IPP: variants seen among roughly 807,000 people sequenced by gnomAD.
The protein encoded by IPP is actin-binding protein IPP.
IPP carries 41 observed loss-of-function variants against 64.1 expected under a neutral mutation model. The observed-to-expected ratio is 0.64, with a 90% CI of 0.50 to 0.83. IPP has a LOEUF of 0.83. IPP is among the 40% of genes least tolerant of loss of function. The pLI is 0.00. For synonymous variants in IPP, 214 were observed against 235.2 expected, an observed-to-expected ratio of 0.91 and a Z score of 0.83; for missense variants, 649 against 703.0, an observed-to-expected ratio of 0.92 and a Z score of 0.87.
At position 45,710,892 on chromosome 1, in the gene IPP, A is replaced by G. The variant is rs111516848; in HGVS notation, c.1530+3354T>C. On this transcript the variant is annotated intron_variant, in intron 8 of 8. Coordinates refer to ENST00000396478, the MANE Select transcript of IPP (RefSeq NM_005897.3). ...AAATTAGCTGGGCATGGTGGCATGC[A>G]CCTGTTGTCCCAGCTACTCGGGAGG... is the stretch of plus-strand genomic sequence containing the variant. Among the ~76,000 whole-genome samples the G allele has an allele frequency of 9.8e-3, 93 of 9,480 alleles. 40 individuals carry two copies. The highest frequency in any genetic ancestry group is 0.024 in the African/African-American group (85 of 3,602). The allele number at this position is 9,480 out of a possible 152,430, so 6.2% of individuals were successfully genotyped here.
At chr1:45,749,518 GT>G (rs1233626706) in intron 1 of IPP, among the ~76,000 whole-genome samples, 1 of 123,670 alleles carries the variant, frequency 8.1e-6, no homozygotes, top group African/African-American at 3.0e-5. Context: ...TTTTGTTTTT[GT>G]TTTTTGTTTT....
At chr1:45,726,029 A>G (rs1454954426) in intron 5 of IPP, among the ~76,000 whole-genome samples, 2 of 146,930 alleles carry the variant, frequency 1.4e-5, no homozygotes, top group African/African-American at 5.0e-5. Flanking sequence ...TCCCTCCACT[A>G]TTGTCCTATG....
chr1:45,711,653 T>C (rs920028275), intron 8 of IPP, among the ~76,000 whole-genome samples: 8 of 151,708 alleles, frequency 5.3e-5, no homozygotes, highest in South Asian at 4.2e-4. Flanking sequence ...ACGTGGGTGG[T>C]TGAGGCACAA....
chr1:45,699,544 T>C lies in IPP; in HGVS notation c.*422A>G. ...TGTCTACACTTAAACTGGAGAATTCTACAGCATAAATGGCATTTCTATTAT... is the reference window on the plus strand; with the variant it reads ...TGTCTACACTTAAACTGGAGAATTCCACAGCATAAATGGCATTTCTATTAT... On this transcript the variant is annotated 3_prime_UTR_variant, in exon 9 of 9. Transcript: ENST00000396478. 1.0e-6 allele frequency: 1 copy of C among 990,316 alleles called. No individual in the cohort carries two copies. The highest frequency in any genetic ancestry group is 1.2e-6 in the Non-Finnish European group (1 of 832,560). 61.3% of individuals were successfully genotyped at this position (990,316 alleles called of 1,614,324 possible). A position where few individuals can be genotyped will look rare whatever the true frequency, so the allele number is the denominator to read the frequency against.
Position 45,716,945 on chromosome 1 carries a change from A to G in IPP, c.1259T>C (p.Val420Ala), listed in dbSNP as rs1177398080. Residue 420 changes from valine to alanine, a missense_variant, in exon 7 of 9, where the codon GTT becomes GCT. Val to Ala is a moderately conservative substitution (Grantham distance 64). Transcript: ENST00000396478. Reference sequence around the variant, plus strand: ...GTAGCGTGACACAGCCATGTTACCAACTACTTCCCATTTATTTTCATCAGG... The same window carrying G: ...GTAGCGTGACACAGCCATGTTACCAGCTACTTCCCATTTATTTTCATCAGG... ...FDPDENKWEV[V>A]GNMAVSRYYF... 1 of 1,612,994 alleles carries G rather than the reference A, an allele frequency of 6.2e-7. No individual in the cohort carries two copies. Among genetic ancestry groups the G allele is most frequent in the Non-Finnish European group, 8.5e-7 (1 of 1,179,184 alleles).
chr1:45,700,249 T>C (rs1645434932), intron 8 of IPP, 59 bp from the exon 9 acceptor site: 1 of 1,544,388 alleles, frequency 6.5e-7, no homozygotes, highest in South Asian at 1.2e-5. Context: ...AGTAAAGAAA[T>C]CCACTGAGAA....
At chr1:45,694,397 A>G (rs779457240), downstream of IPP, 1 of 1,174,004 alleles carries the variant, frequency 8.5e-7, no homozygotes, top group South Asian at 1.3e-5. Context: ...AAACATTTCA[A>G]TATTTTAACC....
At chr1:45,750,111 A>ATATTTGCATT (rs1028865649) in intron 1 of IPP, among the ~76,000 whole-genome samples, 2 of 152,168 alleles carry the variant, frequency 1.3e-5, no homozygotes, top group Non-Finnish European at 2.9e-5. Flanking sequence ...AAGCGGACCT[A>ATATTTGCATT]TGTTTGCTGG....
At chr1:45,721,177 G>A (rs1645725808) in intron 5 of IPP, among the ~76,000 whole-genome samples, 1 of 152,188 alleles carries the variant, frequency 6.6e-6, no homozygotes, top group Non-Finnish European at 1.5e-5. Context: ...CCTGTCCTTA[G>A]AAAGGCCTAC....
chr1:45,743,802 G>A (rs1646097621), intron 2 of IPP, among the ~76,000 whole-genome samples: 1 of 151,950 alleles, frequency 6.6e-6, no homozygotes, highest in African/African-American at 2.4e-5. Context: ...CTTGAGGTCA[G>A]GAGTTTGAGA....
downstream of IPP, among the ~76,000 whole-genome samples, chr1:45,695,836 A>T (rs1645383306): frequency 6.6e-6 from 1 of 151,962 alleles, no homozygotes; most frequent in Non-Finnish European, 1.5e-5. Context: ...TGCCCAGCTA[A>T]TTTTGTATTT....
In IPP at chr1:45,698,789, GC is replaced by G. The variant is rs1312956582; in HGVS notation, c.*1176del. The G allele has an allele frequency of 2.0e-6, 1 of 492,878 alleles. No individual in the cohort carries two copies. Among genetic ancestry groups the G allele is most frequent in the Non-Finnish European group, 2.6e-6 (1 of 383,498 alleles). The allele number at this position is 492,878 out of a possible 1,614,324, so 30.5% of individuals were successfully genotyped here. ...GCCGGTGTGCAGTGGCACAATCTTG[GC>G]TCACTGCAGCCTTGACCTCCTGGGC... On this transcript the variant is annotated 3_prime_UTR_variant, in exon 9 of 9. Coordinates refer to ENST00000396478, the MANE Select transcript of IPP (RefSeq NM_005897.3).
intron 5 of IPP, among the ~76,000 whole-genome samples, chr1:45,724,916 C>A (rs1645791933): frequency 6.8e-6 from 1 of 148,142 alleles, no homozygotes; most frequent in Non-Finnish European, 1.5e-5. Context: ...GCCCGGCCAG[C>A]CGCCCCGTCC....
Position 45,727,654 on chromosome 1 carries a change from C to G in IPP, c.1025G>C (p.Gly342Ala). The G allele has an allele frequency of 6.3e-7, 1 of 1,587,110 alleles. No homozygotes were observed. The highest frequency in any genetic ancestry group is 8.6e-7 in the Non-Finnish European group (1 of 1,160,332). ...ARSGLGVTVL[G>A]GMVYAIGGEK... ...ACCTCCAATAGCGTAGACCATCCCT[C>G]CCAGAACTGTTACTCCCAGCCCACT... The change falls in exon 5 of 9, where the codon GGA (glycine) becomes GCA (alanine). Residue 342 changes from glycine (G) to alanine (A), a missense_variant. By Grantham distance (60) the Gly-to-Ala change is moderately conservative. Transcript: ENST00000396478.
In IPP at chr1:45,727,647, C is replaced by A; in HGVS notation, c.1032G>T (p.Met344Ile). The A allele has an allele frequency of 6.4e-7, 1 of 1,566,536 alleles. No individual in the cohort carries two copies. Among genetic ancestry groups the A allele is most frequent in the Non-Finnish European group, 8.7e-7 (1 of 1,147,184 alleles). Residue 344 changes from methionine to isoleucine, a missense_variant, in exon 5 of 9, where the codon ATG becomes ATT. By Grantham distance (10) the Met-to-Ile change is conservative. Transcript: ENST00000396478. ...TATTATTACCTCCAATAGCGTAGAC[C>A]ATCCCTCCCAGAACTGTTACTCCCA... The part of the protein sequence containing the change: ...SGLGVTVLGG[M>I]VYAIGGEKDS...
At chr1:45,712,596 G>T (rs1327496697) in intron 8 of IPP, among the ~76,000 whole-genome samples, 1 of 151,788 alleles carries the variant, frequency 6.6e-6, no homozygotes, top group Non-Finnish European at 1.5e-5. Context: ...GTGGGCTCAT[G>T]CCTGTAATCC....
chr1:45,719,059 A>T, intron 6 of IPP, 144 bp downstream of exon 6: 1 of 697,668 alleles, frequency 1.4e-6, no homozygotes, highest in Admixed American at 2.8e-5. Flanking sequence ...TGGATATCCC[A>T]TTTTACAAGA....
At chr1:45,729,384 G>A (rs1645875378) in intron 4 of IPP, among the ~76,000 whole-genome samples, 1 of 152,030 alleles carries the variant, frequency 6.6e-6, no homozygotes, top group Non-Finnish European at 1.5e-5. Flanking sequence ...CGAACTCAAA[G>A]GTTTAGATCA....
rs1645881031 is a variant in IPP at position 45,729,767 on chromosome 1, C to T, written c.727G>A (p.Val243Ile). The T allele has an allele frequency of 6.6e-7, 1 of 1,522,604 alleles. No homozygotes were observed. The highest frequency in any genetic ancestry group is 8.9e-7 in the Non-Finnish European group (1 of 1,128,794). The allele number at this position is 1,522,604 out of a possible 1,614,324, so 94.3% of individuals were successfully genotyped here. A position where few individuals can be genotyped will look rare whatever the true frequency, so the allele number is the denominator to read the frequency against. The change falls in exon 4 of 9, where the codon GTA (valine) becomes ATA (isoleucine). Residue 243 changes from valine to isoleucine, a missense_variant and splice_region_variant. Coordinates refer to ENST00000396478, the MANE Select transcript of IPP (RefSeq NM_005897.3). ...PQRLLKYIEGVSDFNLRVALQ... is the reference protein window; with the variant it reads ...PQRLLKYIEGISDFNLRVALQ... ...GCAACACGAAGATTAAAATCGGATACTCCTAAAACAATATTTAAAAAGACA... is the reference window on the plus strand; with the variant it reads ...GCAACACGAAGATTAAAATCGGATATTCCTAAAACAATATTTAAAAAGACA...
Sources: gnomAD v4.1 joint callset for allele counts (sites outside exome capture counted in the v4.1 genomes callset) on GRCh38, gnomAD v4.1.1 for gene constraint, MANE v1.5 for transcripts, NCBI Gene and HGNC (gene_info 2026-07-23, HGNC 2026-07-21) for gene names.